The following TTC23L variants were observed in gnomAD, a reference collection of about 807,000 sequenced individuals.
TTC23L encodes the protein tetratricopeptide repeat protein 23-like.
In TTC23L, 42 loss-of-function variants were observed where a neutral mutation model predicts 48.1. That is an observed-to-expected ratio of 0.87 (90% CI 0.68 to 1.13). TTC23L has a LOEUF of 1.13. TTC23L is among the 50% of genes most tolerant of loss of function. TTC23L has a pLI of 0.00. For missense variants in TTC23L, 391 were observed against 421.0 expected, an observed-to-expected ratio of 0.93 and a Z score of 0.62; for synonymous variants, 159 against 157.2, an observed-to-expected ratio of 1.01 and a Z score of -0.09.
intron 4 of TTC23L, among the ~76,000 whole-genome samples, chr5:34,852,583 G>T (rs930149804): frequency 2.6e-5 from 4 of 152,192 alleles, no homozygotes; most frequent in African/African-American, 9.7e-5. Context: ...GGGTATGGCA[G>T]TTGGAATGAA....
At chr5:34,909,668 A>G in the TTC23L span, among the ~76,000 whole-genome samples, 1 of 152,140 alleles carries the variant, frequency 6.6e-6, no homozygotes, top group Non-Finnish European at 1.5e-5. Flanking sequence ...CAGGCGAGAG[A>G]ATTGAGGACT....
chr5:34,839,491 C>T (rs913740772), intron 1 of TTC23L: 1 of 296,144 alleles, frequency 3.4e-6, no homozygotes, highest in Non-Finnish European at 5.0e-6. Flanking sequence ...AGCGATTCGT[C>T]CTTGAGGGGC....
downstream of TTC23L, chr5:34,899,544 A>T (rs1019102734): frequency 2.6e-5 from 4 of 152,584 alleles, no homozygotes; most frequent in Admixed American, 1.3e-4. Context: ...CTCTGGGAAA[A>T]AAAGGTCCAC....
chr5:34,884,541 C>CAT (rs1160712797), intron 9 of TTC23L, among the ~76,000 whole-genome samples: 24 of 151,806 alleles, frequency 1.6e-4, no homozygotes, highest in Admixed American at 3.3e-4. Context: ...CACACACACA[C>CAT]ACAAACACAC....
chr5:34,912,667 A>AAAT, the TTC23L span, among the ~76,000 whole-genome samples: 179 of 152,268 alleles, frequency 1.2e-3, no homozygotes, highest in African/African-American at 4.2e-3. Context: ...CCATTCTTAA[A>AAAT]AATTCCCTTA....
rs181800631 is a variant in TTC23L, at chr5:34,876,627, C to T, written c.950-3554C>T. ...TTGAATCAATAATTAATAACCATCC[C>T]ATGTGGGTTCACTAGTGAATTCTAC... On this transcript the variant is annotated intron_variant, in intron 8 of 10. Coordinates refer to ENST00000505624, the Ensembl canonical transcript of TTC23L. 5.3e-5 allele frequency among the ~76,000 whole-genome samples: 8 copies of T among 151,022 alleles called. No homozygotes were observed. In the East Asian group the frequency reaches 1.3e-3, roughly 25 times the overall value.
At chr5:34,857,077 G>T (rs1338258836) in intron 4 of TTC23L, among the ~76,000 whole-genome samples, 1 of 152,200 alleles carries the variant, frequency 6.6e-6, no homozygotes, top group Non-Finnish European at 1.5e-5. Flanking sequence ...TGAGGCTTTT[G>T]CAAAGCAGAG....
chr5:34,859,840 C>CTTTTTTT (rs10590697), intron 4 of TTC23L, among the ~76,000 whole-genome samples: 14 of 95,350 alleles, frequency 1.5e-4, no homozygotes, highest in East Asian at 3.2e-4. Flanking sequence ...TTTTCTTCTT[C>CTTTTTTT]TTTTTTTTTT....
At chr5:34,909,097 G>T in the TTC23L span, 2 of 949,508 alleles carry the variant, frequency 2.1e-6, no homozygotes, top group Non-Finnish European at 3.1e-6. Context: ...TTCATTCACT[G>T]TTAGAACCCT....
At chr5:34,890,296 T>C (rs1762786289) in intron 9 of TTC23L, among the ~76,000 whole-genome samples, 1 of 151,616 alleles carries the variant, frequency 6.6e-6, no homozygotes, top group African/African-American at 2.4e-5. Flanking sequence ...AATATAAAAA[T>C]TAGCCAGGTG....
the TTC23L span, chr5:34,915,809 T>C: frequency 6.3e-7 from 1 of 1,582,878 alleles, no homozygotes; most frequent in Admixed American, 1.8e-5. Flanking sequence ...AGAAACGAAA[T>C]AGATGCGGAG....
the TTC23L span, chr5:34,923,053 T>G: frequency 6.4e-7 from 1 of 1,555,062 alleles, no homozygotes; most frequent in Non-Finnish European, 8.9e-7. Context: ...TTAATTCAGG[T>G]AAATATCTTT....
At chr5:34,845,798 T>C (rs1759070830) in intron 3 of TTC23L, 125 bp downstream of exon 3, 1 of 1,042,868 alleles carries the variant, frequency 9.6e-7, no homozygotes, top group Non-Finnish European at 1.3e-6. Flanking sequence ...TCTTTGTAAG[T>C]AGCAGAAAAC....
chr5:34,875,607 C>G (rs1204282416), intron 8 of TTC23L, among the ~76,000 whole-genome samples: 2 of 152,118 alleles, frequency 1.3e-5, no homozygotes, highest in Non-Finnish European at 2.9e-5. Context: ...CCCACTGTCT[C>G]TAATGTTAAT....
the TTC23L span, chr5:34,915,800 G>T: frequency 1.3e-6 from 2 of 1,590,242 alleles, no homozygotes; most frequent in Admixed American, 1.8e-5. Context: ...AAGCCAAAAA[G>T]AAACGAAATA....
downstream of TTC23L, among the ~76,000 whole-genome samples, chr5:34,899,893 A>C (rs557704665): frequency 5.9e-5 from 9 of 152,284 alleles, no homozygotes; most frequent in South Asian, 6.2e-4. Context: ...CGTCTCAAAA[A>C]AAACAAACAA....
the TTC23L span, among the ~76,000 whole-genome samples, chr5:34,923,628 T>C: frequency 6.6e-6 from 1 of 152,160 alleles, no homozygotes; most frequent in Non-Finnish European, 1.5e-5. Context: ...AGGTTGGCCT[T>C]GAACCTCCTG....
chr5:34,855,760 G>T (rs115618078), intron 4 of TTC23L, among the ~76,000 whole-genome samples: 2,655 of 152,280 alleles, frequency 0.017, 38 homozygotes, highest in Non-Finnish European at 0.027. Flanking sequence ...GCACAATGCA[G>T]TATGGTGTTT....
chr5:34,892,893 C>T (rs1475271602), intron 9 of TTC23L, among the ~76,000 whole-genome samples: 1 of 152,030 alleles, frequency 6.6e-6, no homozygotes, highest in South Asian at 2.1e-4. Context: ...TTATGTACTG[C>T]GCTAAGGCAT....
Sources: gnomAD v4.1 joint callset for allele counts (sites outside exome capture counted in the v4.1 genomes callset) on GRCh38, gnomAD v4.1.1 for gene constraint, MANE v1.5 for transcripts, NCBI Gene and HGNC (gene_info 2026-07-23, HGNC 2026-07-21) for gene names.